Variants in ST3GAL3 observed in about 807,000 individuals in gnomAD.
ST3GAL3 encodes the protein CMP-N-acetylneuraminate-beta-1,4-galactoside alpha-2,3-sialyltransferase.
In ST3GAL3, 21 loss-of-function variants were observed where a neutral mutation model predicts 50.1. The ratio of observed to expected loss-of-function variants is 0.42; its 90% CI spans 0.30 to 0.60. ST3GAL3 has a LOEUF of 0.60. Among genes scored for constraint, ST3GAL3 ranks in the 20% least tolerant of loss-of-function variants. The pLI, the probability that ST3GAL3 is intolerant of heterozygous loss-of-function variation, is 0.19. For missense variants in ST3GAL3, 353 were observed against 489.4 expected, an observed-to-expected ratio of 0.72 and a Z score of 2.63; for synonymous variants, 183 against 190.0, an observed-to-expected ratio of 0.96 and a Z score of 0.30.
At chr1:43,749,108 G>T (rs980557817) in intron 2 of ST3GAL3, among the ~76,000 whole-genome samples, 2 of 152,142 alleles carry the variant, frequency 1.3e-5, no homozygotes, top group African/African-American at 4.8e-5. Flanking sequence ...GTGGGATAGG[G>T]AGTCTTTTCA....
At chr1:43,916,019 T>C (rs1031383379) in intron 9 of ST3GAL3, among the ~76,000 whole-genome samples, 2 of 152,158 alleles carry the variant, frequency 1.3e-5, no homozygotes, top group African/African-American at 4.8e-5. Context: ...CTCAGGAGGC[T>C]GAGGCAGGAG....
At chr1:43,911,628 G>GCT (rs2080905004) in intron 9 of ST3GAL3, among the ~76,000 whole-genome samples, 1 of 131,886 alleles carries the variant, frequency 7.6e-6, no homozygotes, top group Non-Finnish European at 1.7e-5. Context: ...TATATCTATA[G>GCT]ATATCTATAT....
chr1:43,805,254 A>G (rs1215190081), intron 3 of ST3GAL3, among the ~76,000 whole-genome samples: 1 of 152,176 alleles, frequency 6.6e-6, no homozygotes, highest in Non-Finnish European at 1.5e-5. Context: ...TCTTCAGCAC[A>G]TTATTTTTCT....
At chr1:43,806,863 G>T (rs1056846758) in intron 3 of ST3GAL3, among the ~76,000 whole-genome samples, 1 of 151,968 alleles carries the variant, frequency 6.6e-6, no homozygotes, top group Non-Finnish European at 1.5e-5. Context: ...GTAATGTTTT[G>T]TATCTTTAGT....
At chr1:43,848,846 C>G (rs571246215) in intron 5 of ST3GAL3, among the ~76,000 whole-genome samples, 5 of 152,232 alleles carry the variant, frequency 3.3e-5, no homozygotes, top group Non-Finnish European at 5.9e-5. Flanking sequence ...AATCTTCTTT[C>G]TCTCTCTGCT....
intron 5 of ST3GAL3, among the ~76,000 whole-genome samples, chr1:43,887,651 A>G (rs2076165044): frequency 6.6e-6 from 1 of 152,210 alleles, no homozygotes; most frequent in Admixed American, 6.5e-5. Context: ...TCTGAAAATA[A>G]TTGAGCAAGA....
At chr1:43,809,360 A>G (rs914911671) in intron 3 of ST3GAL3, among the ~76,000 whole-genome samples, 16 of 152,176 alleles carry the variant, frequency 1.1e-4, no homozygotes, top group African/African-American at 3.9e-4. Flanking sequence ...ACTGTAGAAG[A>G]AAAAAATAGT....
At chr1:43,928,432 C>T (rs2084407513) in intron 11 of ST3GAL3, among the ~76,000 whole-genome samples, 1 of 151,600 alleles carries the variant, frequency 6.6e-6, no homozygotes. Context: ...AACCCCATCT[C>T]TACTACAAAT....
At chr1:43,758,582 A>G (rs894986964) in intron 2 of ST3GAL3, among the ~76,000 whole-genome samples, 4 of 152,208 alleles carry the variant, frequency 2.6e-5, no homozygotes, top group Non-Finnish European at 4.4e-5. Flanking sequence ...GAGAGACAGC[A>G]TTAAGATTTA....
intron 1 of ST3GAL3, among the ~76,000 whole-genome samples, chr1:43,708,668 T>A (rs1662855558): frequency 6.6e-6 from 1 of 152,166 alleles, no homozygotes; most frequent in Non-Finnish European, 1.5e-5. Flanking sequence ...TTTCAAATAA[T>A]CTCTTAAGGC....
chr1:43,818,140 G>T (rs1350051891), intron 4 of ST3GAL3, among the ~76,000 whole-genome samples: 2 of 152,032 alleles, frequency 1.3e-5, no homozygotes, highest in African/African-American at 4.8e-5. Context: ...CGCCTCTTCT[G>T]AAATTCTGGT....
intron 11 of ST3GAL3, among the ~76,000 whole-genome samples, chr1:43,926,154 G>A (rs1044622770): frequency 6.6e-6 from 1 of 152,168 alleles, no homozygotes; most frequent in African/African-American, 2.4e-5. Flanking sequence ...TGGAAGTATA[G>A]ATCTGTGAGT....
chr1:43,761,054 G>T (rs1041729769), intron 2 of ST3GAL3, among the ~76,000 whole-genome samples: 1 of 152,186 alleles, frequency 6.6e-6, no homozygotes, highest in Non-Finnish European at 1.5e-5. Flanking sequence ...GGTTGGAGGG[G>T]ATAGGAGGAT....
chr1:43,906,038 C>T (rs2154279563), intron 9 of ST3GAL3, among the ~76,000 whole-genome samples: 1 of 103,192 alleles, frequency 9.7e-6, no homozygotes, highest in East Asian at 3.4e-4. Flanking sequence ...GCCACTCTTC[C>T]TCCCCCTCCC....
chr1:43,850,206 C>T, intron 5 of ST3GAL3: 1 of 289,634 alleles, frequency 3.5e-6, no homozygotes, highest in South Asian at 3.5e-5. Context: ...TCAGTGGGTC[C>T]CTTGTGGGGC....
intron 2 of ST3GAL3, among the ~76,000 whole-genome samples, chr1:43,767,523 C>T (rs569203760): frequency 6.6e-6 from 1 of 151,862 alleles, no homozygotes; most frequent in Non-Finnish European, 1.5e-5. Context: ...CAGAATCAAT[C>T]CTCTGACCAC....
intron 11 of ST3GAL3, among the ~76,000 whole-genome samples, chr1:43,929,493 AG>A (rs1421859513): frequency 6.6e-6 from 1 of 152,128 alleles, no homozygotes; most frequent in African/African-American, 2.4e-5. Flanking sequence ...TAGTAGAAAC[AG>A]GGTTTCACCA....
chr1:43,743,848 C>A (rs952365896), intron 2 of ST3GAL3: 2 of 160,492 alleles, frequency 1.2e-5, no homozygotes, highest in African/African-American at 2.5e-5. Context: ...TTCATTCCCC[C>A]CCCCCCCATT....
At chr1:43,842,512 T>A (rs2065553428) in intron 5 of ST3GAL3, 1 of 152,168 alleles carries the variant, frequency 6.6e-6, no homozygotes, top group African/African-American at 2.4e-5. Flanking sequence ...CAGTCTCAGA[T>A]ATTTTTTTTA....
Sources: gnomAD v4.1 joint callset for allele counts (sites outside exome capture counted in the v4.1 genomes callset) on GRCh38, gnomAD v4.1.1 for gene constraint, MANE v1.5 for transcripts, NCBI Gene and HGNC (gene_info 2026-07-23, HGNC 2026-07-21) for gene names.